DNMBP: variants seen among roughly 807,000 people sequenced by gnomAD.
DNMBP encodes dynamin-binding protein.
In DNMBP, 87 loss-of-function variants were observed where a neutral mutation model predicts 150.0. The observed-to-expected ratio is 0.58, with a 90% CI of 0.49 to 0.69. The LOEUF (loss-of-function observed/expected upper bound fraction) is 0.69. Among genes scored for constraint, DNMBP ranks in the 30% least tolerant of loss-of-function variants. The pLI is 0.00. For missense variants in DNMBP, 1,774 were observed against 1,949.0 expected, an observed-to-expected ratio of 0.91 and a Z score of 1.69; for synonymous variants, 711 against 750.4, an observed-to-expected ratio of 0.95 and a Z score of 0.86.
intron 4 of DNMBP, among the ~76,000 whole-genome samples, chr10:99,953,340 C>A (rs988809645): frequency 1.3e-5 from 2 of 151,772 alleles, no homozygotes; most frequent in Admixed American, 6.6e-5. Context: ...CTCTAGTGAT[C>A]CTCCTACGTC....
At chr10:100,007,195 TAC>T (rs370248949) in intron 1 of DNMBP, among the ~76,000 whole-genome samples, 3 of 151,448 alleles carry the variant, frequency 2.0e-5, no homozygotes, top group Admixed American at 6.6e-5. Context: ...CACATATACA[TAC>T]ACACACACAC....
chr10:99,963,101 G>C (rs2040581792), intron 3 of DNMBP, among the ~76,000 whole-genome samples: 1 of 151,994 alleles, frequency 6.6e-6, no homozygotes, highest in Admixed American at 6.6e-5. Context: ...CAGGGTCTCA[G>C]TCTGTTACCC....
rs1462771637 is a variant in DNMBP, at chr10:99,877,256, G to A, written c.4629C>T (p.Leu1543=). The part of the protein sequence containing the change: ...SVSANQKLKI[L]EFKDVTGNTE... ...TATTTCCTGTAACATCTTTAAACTCGAGGATCTTGAGTTTCTGATTGGCTG... is the reference window on the plus strand; with the variant it reads ...TATTTCCTGTAACATCTTTAAACTCAAGGATCTTGAGTTTCTGATTGGCTG... Residue 1543 remains leucine, a synonymous_variant, in exon 17 of 17, where the codon CTC becomes CTT. Transcript: ENST00000324109. 5 of 1,613,826 alleles carry A rather than the reference G, an allele frequency of 3.1e-6. No individual in the cohort carries two copies. The highest frequency in any genetic ancestry group is 1.6e-4 in the Middle Eastern group (1 of 6,080).
chr10:99,965,425 GGTAA>G (rs1485160609), intron 3 of DNMBP, among the ~76,000 whole-genome samples: 2 of 151,468 alleles, frequency 1.3e-5, no homozygotes, highest in South Asian at 2.1e-4. Context: ...ACTTCTTAAA[GGTAA>G]GTAAGTAACA....
chr10:99,985,764 T>C (rs1346365585), intron 1 of DNMBP, among the ~76,000 whole-genome samples: 1 of 152,202 alleles, frequency 6.6e-6, no homozygotes, highest in African/African-American at 2.4e-5. Context: ...CTTCTCTTTG[T>C]ATGAAAGGAT....
chr10:100,007,239 CA>C (rs1370928205), intron 1 of DNMBP, among the ~76,000 whole-genome samples: 4 of 152,148 alleles, frequency 2.6e-5, no homozygotes, highest in Non-Finnish European at 5.9e-5. Flanking sequence ...TAAAGTTCTC[CA>C]CAGCATTATG....
At chr10:99,970,927 A>ACG (rs2040666403) in intron 2 of DNMBP, among the ~76,000 whole-genome samples, 1 of 132,500 alleles carries the variant, frequency 7.5e-6, no homozygotes, top group Non-Finnish European at 1.6e-5. Context: ...AGCCGAGATC[A>ACG]TGCCACTGCA....
At chr10:99,959,683 T>A (rs1589439701) in intron 3 of DNMBP, among the ~76,000 whole-genome samples, 1 of 151,138 alleles carries the variant, frequency 6.6e-6, no homozygotes, top group African/African-American at 2.4e-5. Flanking sequence ...TGAGACCGCG[T>A]CTCTATTTAA....
chr10:99,922,610 G>A lies in DNMBP; in HGVS notation c.2261-13464C>T, dbSNP rs546695881. ...TAGCTCACTGCAGCCTCAACTTCCC[G>A]GGCTCAAGCAATCTTAACCACCTCA... On this transcript the variant is annotated intron_variant, in intron 4 of 16. Coordinates refer to ENST00000324109, the MANE Select transcript of DNMBP (RefSeq NM_015221.4). Among the ~76,000 whole-genome samples the A allele has an allele frequency of 1.4e-4, 21 of 149,374 alleles. No homozygotes were observed. The South Asian group carries it at 1.5e-3, about 11-fold the overall frequency.
intron 1 of DNMBP, among the ~76,000 whole-genome samples, chr10:99,975,029 GGGT>G (rs1370504526): frequency 1.5e-4 from 23 of 152,232 alleles, no homozygotes; most frequent in Middle Eastern, 6.8e-3. Flanking sequence ...AAGTGCCAGG[GGGT>G]TACAGGGAGA....
intron 2 of DNMBP, among the ~76,000 whole-genome samples, 177 bp from the exon 3 acceptor site, chr10:99,969,414 T>C (rs1011373278): frequency 3.3e-5 from 5 of 152,198 alleles, no homozygotes; most frequent in African/African-American, 9.6e-5. Context: ...ACTAGATGCA[T>C]GCAGGACAGA....
chr10:99,953,603 C>A lies in DNMBP; in HGVS notation c.2260+1611G>T, dbSNP rs1249737707. ...GGGAGGCCAAGGTGGGTGGATCACT[C>A]GAGGTCAGGAGTTTGAGACCAGCCT... On this transcript the variant is annotated intron_variant, in intron 4 of 16. Transcript: ENST00000324109. Among the ~76,000 whole-genome samples the A allele has an allele frequency of 2.6e-5, 4 of 151,952 alleles. No individual in the cohort carries two copies. The East Asian group carries it at 7.7e-4, about 29-fold the overall frequency.
In DNMBP at chr10:99,969,149, T is replaced by C. The variant is rs372557454; in HGVS notation, c.234A>G (p.Thr78=). ...GGGGAAGATTATCCAACTCTTGGGA[T>C]GTGAATTCACAAATGCACACAAACA... ...ERLFVCICEF[T]SQELDNLPLH... is the part of the protein sequence containing the mutation. The change falls in exon 3 of 17, where the codon ACA becomes ACG. Residue 78 remains threonine, a synonymous_variant. Coordinates refer to ENST00000324109, the MANE Select transcript of DNMBP (RefSeq NM_015221.4). The C allele has an allele frequency of 6.2e-7, 1 of 1,614,050 alleles. No homozygotes were observed. Among genetic ancestry groups the C allele is most frequent in the African/African-American group, 1.3e-5 (1 of 74,932 alleles).
chr10:99,921,733 T>C (rs918716700), intron 4 of DNMBP, among the ~76,000 whole-genome samples: 1 of 151,112 alleles, frequency 6.6e-6, no homozygotes, highest in Non-Finnish European at 1.5e-5. Context: ...GGTGTGATGG[T>C]ACATGCCTAT....
At chr10:99,990,572 G>A (rs1384796440) in intron 1 of DNMBP, among the ~76,000 whole-genome samples, 1 of 147,190 alleles carries the variant, frequency 6.8e-6, no homozygotes, top group African/African-American at 2.5e-5. Flanking sequence ...TAAAAAATAG[G>A]ATTGGTTGCA....
At chr10:99,974,071 T>C (rs1434397991) in intron 1 of DNMBP, among the ~76,000 whole-genome samples, 1 of 152,100 alleles carries the variant, frequency 6.6e-6, no homozygotes, top group Admixed American at 6.6e-5. Flanking sequence ...AGAGGATCAA[T>C]TGCAGTCAGG....
At chr10:99,980,411 C>T (rs1240096670) in intron 1 of DNMBP, among the ~76,000 whole-genome samples, 1 of 150,110 alleles carries the variant, frequency 6.7e-6, no homozygotes, top group Non-Finnish European at 1.5e-5. Flanking sequence ...TGGGCCACTG[C>T]ACTCCAGCCT....
intron 4 of DNMBP, among the ~76,000 whole-genome samples, chr10:99,917,789 C>T (rs1238307350): frequency 6.6e-6 from 1 of 151,616 alleles, no homozygotes; most frequent in Non-Finnish European, 1.5e-5. Flanking sequence ...CATGGTGAAA[C>T]CCCGTCTCTA....
Position 99,946,750 on chromosome 10 carries a change from G to C in DNMBP, c.2260+8464C>G, listed in dbSNP as rs147296860. ...ACAACTGGAACCCAATTAAACTAAAGAGCTTCTGTACAGCAAAACAAACTA... is the reference window on the plus strand; with the variant it reads ...ACAACTGGAACCCAATTAAACTAAACAGCTTCTGTACAGCAAAACAAACTA... On this transcript the variant is annotated intron_variant, in intron 4 of 16. Coordinates refer to ENST00000324109, the MANE Select transcript of DNMBP (RefSeq NM_015221.4). 1.0e-3 allele frequency among the ~76,000 whole-genome samples: 158 copies of C among 152,210 alleles called. 1 individual carries two copies. The highest frequency in any genetic ancestry group is 2.7e-3 in the East Asian group (14 of 5,186).
Sources: allele counts gnomAD v4.1 joint callset (sites outside exome capture counted in the v4.1 genomes callset), GRCh38; gene constraint gnomAD v4.1.1; transcripts MANE v1.5; gene names NCBI Gene and HGNC (gene_info 2026-07-23, HGNC 2026-07-21).